Variants in MAP7 observed in about 807,000 individuals in gnomAD.
MAP7 encodes the protein microtubule associated protein 7.
MAP7 carries 52 observed loss-of-function variants against 94.8 expected under a neutral mutation model. That is an observed-to-expected ratio of 0.55 (90% CI 0.44 to 0.69). MAP7 has a LOEUF of 0.69. Ranked by LOEUF, MAP7 falls within the 30% of genes least tolerant of loss-of-function variation. The probability of loss-of-function intolerance (pLI) is 0.00; values close to 1 mark genes in which losing one functional copy is unlikely to be tolerated. For missense variants in MAP7, 940 were observed against 964.6 expected, an observed-to-expected ratio of 0.97 and a Z score of 0.34; for synonymous variants, 350 against 357.0, an observed-to-expected ratio of 0.98 and a Z score of 0.22.
In MAP7 at chr6:136,532,481, T is replaced by C. The variant is rs111521488; in HGVS notation, c.67+17861A>G. 3.7e-4 allele frequency among the ~76,000 whole-genome samples: 57 copies of C among 152,292 alleles called. 1 individual carries two copies. Among genetic ancestry groups the C allele is most frequent in the African/African-American group, 1.3e-3 (54 of 41,550 alleles). On this transcript the variant is annotated intron_variant, in intron 1 of 17. Coordinates refer to ENST00000354570, the MANE Select transcript of MAP7 (RefSeq NM_003980.6). ...TACACTTTTAGTGGAAGTGTAAATT[T>C]AGTTCTGGAAGAGAAAACTGGGACC...
chr6:136,528,015 GA>G (rs1828143315), intron 1 of MAP7, among the ~76,000 whole-genome samples: 1 of 152,210 alleles, frequency 6.6e-6, no homozygotes, highest in African/African-American at 2.4e-5. Flanking sequence ...TGGAGTTTTG[GA>G]GCTGAATGGG....
At chr6:136,529,070 T>A (rs1828259373) in intron 1 of MAP7, among the ~76,000 whole-genome samples, 1 of 152,174 alleles carries the variant, frequency 6.6e-6, no homozygotes, top group Non-Finnish European at 1.5e-5. Context: ...GAAAGGGATA[T>A]GGTGAGACCT....
intron 1 of MAP7, among the ~76,000 whole-genome samples, chr6:136,493,292 T>C (rs1466914813): frequency 6.6e-6 from 1 of 152,062 alleles, no homozygotes; most frequent in African/African-American, 2.4e-5. Context: ...CTGGCTAATT[T>C]TTGTATTTTT....
rs79907182 is a variant in MAP7 at position 136,549,552 on chromosome 6, C to T, written c.67+790G>A. On this transcript the variant is annotated intron_variant, in intron 1 of 17. Transcript: ENST00000354570. ...TGGTCTTGGGGACGTGATCCCCTGT[C>T]CCTAAGTGTGCCCCTGGAGGTTGTG... Among the ~76,000 whole-genome samples the T allele has an allele frequency of 9.3e-3, 1,409 of 152,276 alleles. 50 individuals are homozygous for T. The highest frequency in any genetic ancestry group is 0.084 in the East Asian group (434 of 5,170).
chr6:136,350,812 C>T (rs900750239), intron 16 of MAP7, among the ~76,000 whole-genome samples: 8 of 152,134 alleles, frequency 5.3e-5, no homozygotes, highest in Non-Finnish European at 1.2e-4. Context: ...GAGCCATGCT[C>T]GTACCACTGC....
intron 1 of MAP7, among the ~76,000 whole-genome samples, chr6:136,521,716 G>C (rs181994331): frequency 5.1e-4 from 78 of 152,226 alleles, no homozygotes; most frequent in Non-Finnish European, 2.8e-4. Context: ...AAATTTAAAA[G>C]ACTCTTTGCC....
chr6:136,546,390 T>G (rs1401053495), intron 1 of MAP7, among the ~76,000 whole-genome samples: 1 of 139,762 alleles, frequency 7.2e-6, no homozygotes. Context: ...CTTCTCAGCC[T>G]CTGGTAACCA....
At chr6:136,362,016 G>A (rs1792943189) in intron 11 of MAP7, among the ~76,000 whole-genome samples, 1 of 152,140 alleles carries the variant, frequency 6.6e-6, no homozygotes, top group Non-Finnish European at 1.5e-5. Flanking sequence ...ATACTGTTGA[G>A]AGACTAGAAA....
intron 3 of MAP7, among the ~76,000 whole-genome samples, chr6:136,391,317 T>C (rs569463854): frequency 5.0e-3 from 706 of 142,556 alleles, no homozygotes; most frequent in Non-Finnish European, 6.4e-3. Flanking sequence ...AACCAAACAC[T>C]GCATATTCTC....
At chr6:136,414,263 A>AAAAAAAAAAAAAAAAAAAAAAAAAAAAC (rs1788582587) in intron 2 of MAP7, among the ~76,000 whole-genome samples, 1 of 134,712 alleles carries the variant, frequency 7.4e-6, no homozygotes, top group Non-Finnish European at 1.6e-5. Context: ...AAAAAAAAAA[A>AAAAAAAAAAAAAAAAAAAAAAAAAAAAC]AAAAAAAAAA....
At chr6:136,486,284 C>G (rs1197635082) in intron 1 of MAP7, among the ~76,000 whole-genome samples, 1 of 152,164 alleles carries the variant, frequency 6.6e-6, no homozygotes, top group Admixed American at 6.5e-5. Context: ...CCGGCAAAAT[C>G]ATGAACACCA....
At chr6:136,456,546 C>A (rs1376842469) in intron 1 of MAP7, among the ~76,000 whole-genome samples, 1 of 151,670 alleles carries the variant, frequency 6.6e-6, no homozygotes, top group Non-Finnish European at 1.5e-5. Flanking sequence ...GTGGCATGCA[C>A]CTGTGGTCCC....
At chr6:136,452,941 T>C (rs1801643652) in intron 1 of MAP7, among the ~76,000 whole-genome samples, 1 of 152,212 alleles carries the variant, frequency 6.6e-6, no homozygotes, top group Non-Finnish European at 1.5e-5. Flanking sequence ...AATTTTTATA[T>C]GCACTGGGAA....
intron 1 of MAP7, among the ~76,000 whole-genome samples, chr6:136,430,869 A>G (rs1475617435): frequency 6.6e-6 from 1 of 152,122 alleles, no homozygotes; most frequent in East Asian, 1.9e-4. Flanking sequence ...AATTGAGCAG[A>G]AAGTACAGAG....
chr6:136,425,750 T>C (rs1792957359), intron 1 of MAP7, among the ~76,000 whole-genome samples: 1 of 152,190 alleles, frequency 6.6e-6, no homozygotes, highest in Non-Finnish European at 1.5e-5. Context: ...TTCCACATAA[T>C]GGAGAATTTC....
In MAP7 at chr6:136,507,711, T is replaced by C. The variant is rs142436466; in HGVS notation, c.67+42631A>G. Among the ~76,000 whole-genome samples the C allele has an allele frequency of 3.3e-3, 507 of 152,324 alleles. 3 individuals are homozygous for C. Among genetic ancestry groups the C allele is most frequent in the African/African-American group, 0.011 (478 of 41,574 alleles). On this transcript the variant is annotated intron_variant, in intron 1 of 17. Coordinates refer to ENST00000354570, the MANE Select transcript of MAP7 (RefSeq NM_003980.6). ...GCCTGATTAGGCACAGTTACAAGCATGTTTTAGATATTATTCTACCTAATC... is the reference window on the plus strand; with the variant it reads ...GCCTGATTAGGCACAGTTACAAGCACGTTTTAGATATTATTCTACCTAATC...
intron 1 of MAP7, among the ~76,000 whole-genome samples, chr6:136,460,576 T>C (rs1434750418): frequency 1.3e-5 from 2 of 152,164 alleles, no homozygotes; most frequent in Non-Finnish European, 2.9e-5. Flanking sequence ...AAGCCTGCCC[T>C]GTAGTTTTTC....
intron 1 of MAP7, among the ~76,000 whole-genome samples, chr6:136,429,424 A>C (rs1453619662): frequency 1.3e-5 from 2 of 152,242 alleles, no homozygotes; most frequent in African/African-American, 4.8e-5. Context: ...GGAGGAAAGA[A>C]AGCATGTGAA....
At chr6:136,483,311 G>A (rs927419718) in intron 1 of MAP7, among the ~76,000 whole-genome samples, 27 of 151,888 alleles carry the variant, frequency 1.8e-4, no homozygotes, top group Non-Finnish European at 7.4e-5. Context: ...CTCACATTGA[G>A]TACACATGGA....
Sources: allele counts gnomAD v4.1 joint callset (sites outside exome capture counted in the v4.1 genomes callset), GRCh38; gene constraint gnomAD v4.1.1; transcripts MANE v1.5; gene names NCBI Gene and HGNC (gene_info 2026-07-23, HGNC 2026-07-21).